Variants in GAD1 observed in about 807,000 individuals in gnomAD.
GAD1 encodes the protein 67 kDa glutamic acid decarboxylase.
GAD1 carries 35 observed loss-of-function variants against 75.2 expected under a neutral mutation model. The ratio of observed to expected loss-of-function variants is 0.47; its 90% CI spans 0.36 to 0.62. GAD1 has a LOEUF of 0.62. Ranked by LOEUF, GAD1 falls within the 20% of genes least tolerant of loss-of-function variation. The probability of loss-of-function intolerance (pLI) is 0.00; values close to 1 mark genes in which losing one functional copy is unlikely to be tolerated. For synonymous variants in GAD1, 257 were observed against 271.9 expected (o/e 0.95, Z 0.54); for missense variants, 490 against 758.5 (o/e 0.65, Z 4.16).
At chr2:170,849,677 T>C (rs540718812) in intron 12 of GAD1, among the ~76,000 whole-genome samples, 1 of 152,344 alleles carries the variant, frequency 6.6e-6, no homozygotes, top group African/African-American at 2.4e-5. Context: ...AGTGAGACCC[T>C]GTCTCTAATA....
chr2:170,822,857 G>C (rs1004878803), intron 3 of GAD1, among the ~76,000 whole-genome samples: 2 of 152,220 alleles, frequency 1.3e-5, no homozygotes, highest in Non-Finnish European at 2.9e-5. Flanking sequence ...GAAAGGGGAC[G>C]AGCAGGGACG....
In GAD1 at chr2:170,859,857, T is replaced by C. The variant is rs986095646; in HGVS notation, c.1760T>C (p.Ile587Thr). 1 of 1,614,172 alleles carries C rather than the reference T, an allele frequency of 6.2e-7. No homozygotes were observed. Among genetic ancestry groups the C allele is most frequent in the Non-Finnish European group, 8.5e-7 (1 of 1,180,030 alleles). Reference sequence around the variant, plus strand: ...GACATTGACTTCCTCATTGAGGAGATAGAAAGACTGGGCCAGGATCTGTAA... The same window carrying C: ...GACATTGACTTCCTCATTGAGGAGACAGAAAGACTGGGCCAGGATCTGTAA... ...QSDIDFLIEEIERLGQDL is the reference protein window; with the variant it reads ...QSDIDFLIEETERLGQDL The change falls in exon 17 of 17, where the codon ATA becomes ACA. Residue 587 changes from isoleucine (I) to threonine (T), a missense_variant. By Grantham distance (89) the Ile-to-Thr change is moderately conservative (BLOSUM62 -1). Around this residue, in one of 3 missense-constraint regions of GAD1, gnomAD observed 324 missense variants for 523.9 expected, o/e 0.62. Transcript: ENST00000358196.
At position 170,846,012 on chromosome 2, in the gene GAD1, G is replaced by A; in HGVS notation, c.951G>A (p.Gly317=). 4 of 1,613,158 alleles carry A rather than the reference G, an allele frequency of 2.5e-6. No homozygotes were observed. The highest frequency in any genetic ancestry group is 2.7e-5 in the African/African-American group (2 of 74,982). Residue 317 remains glycine, a synonymous_variant, in exon 10 of 17, where the codon GGG becomes GGA. Transcript: ENST00000358196. ...NVILIKCNER[G]KIIPADFEAK... ...CCTCCTTTTCCAATAATTATAGGGG[G>A]AAAATAATTCCAGCTGATTTTGAGG...
intron 6 of GAD1, among the ~76,000 whole-genome samples, chr2:170,841,132 C>A (rs931589419): frequency 3.3e-5 from 5 of 152,226 alleles, no homozygotes; most frequent in Non-Finnish European, 5.9e-5. Context: ...GAGCTTCTGG[C>A]AGGTTTAGTT....
At position 170,818,477 on chromosome 2, in the gene GAD1, G is replaced by T; in HGVS notation, c.-63-52G>T. On this transcript the variant is annotated intron_variant, in intron 1 of 16. Coordinates refer to ENST00000358196, the MANE Select transcript of GAD1 (RefSeq NM_000817.3). This position sits in a 1 kb window ranked among gnomAD's most constrained non-coding sequence, Gnocchi z 5.9. ...TGCCCCCGGCTGCTCAGTCCCTCCG[G>T]TGTGCAGGACCCCGGAAGTCCTCCC... The T allele has an allele frequency of 2.1e-6, 2 of 942,006 alleles. No homozygotes were observed. The highest frequency in any genetic ancestry group is 3.5e-6 in the Non-Finnish European group (2 of 569,520). The allele number at this position is 942,006 out of a possible 1,614,324, so 58.4% of individuals were successfully genotyped here. A position where few individuals can be genotyped will look rare whatever the true frequency, so the allele number is the denominator to read the frequency against.
chr2:170,841,535 T>C (rs1702515905), intron 6 of GAD1, among the ~76,000 whole-genome samples: 4 of 132,072 alleles, frequency 3.0e-5, no homozygotes, highest in African/African-American at 9.8e-5. Flanking sequence ...CCTCCATCTC[T>C]ACACAAAATA....
chr2:170,819,446 C>T (rs766436790), intron 2 of GAD1, among the ~76,000 whole-genome samples: 14 of 151,604 alleles, frequency 9.2e-5, no homozygotes, highest in Non-Finnish European at 1.9e-4. Flanking sequence ...TGACATGTCC[C>T]GAAAAGAGAG....
chr2:170,813,964 C>A (rs1054846961), upstream of GAD1, among the ~76,000 whole-genome samples: 5 of 152,158 alleles, frequency 3.3e-5, no homozygotes, highest in African/African-American at 4.8e-5. Context: ...CTTCAAAGCG[C>A]TTCAAATACA....
chr2:170,824,458 C>T (rs1217904166), intron 3 of GAD1, among the ~76,000 whole-genome samples: 1 of 151,642 alleles, frequency 6.6e-6, no homozygotes, highest in Non-Finnish European at 1.5e-5. Context: ...CCTGGAGGGT[C>T]CCTTCTTGAC....
At chr2:170,849,260 T>C (rs1224902084) in intron 11 of GAD1, 26 bp from the exon 12 acceptor site, 2 of 1,609,618 alleles carry the variant, frequency 1.2e-6, no homozygotes, top group African/African-American at 2.7e-5. Context: ...TGCTCCCCTC[T>C]TCCTCTCCTT....
intron 11 of GAD1, among the ~76,000 whole-genome samples, chr2:170,848,226 G>T (rs575631711): frequency 6.6e-6 from 1 of 152,184 alleles, no homozygotes; most frequent in African/African-American, 2.4e-5. Flanking sequence ...GGCTGGGCGC[G>T]GTGGCTCACG....
chr2:170,845,866 A>T, intron 9 of GAD1, 81 bp downstream of exon 9: 1 of 1,484,642 alleles, frequency 6.7e-7, no homozygotes, highest in Non-Finnish European at 9.4e-7. Flanking sequence ...GTGCTTAAGG[A>T]CTGGCTCAGT....
intron 14 of GAD1, among the ~76,000 whole-genome samples, chr2:170,855,391 A>G (rs1439814684): frequency 2.0e-5 from 3 of 151,500 alleles, no homozygotes; most frequent in Non-Finnish European, 2.9e-5. Flanking sequence ...TATTTTTACT[A>G]GAGGCGGGGC....
chr2:170,827,457 T>C (rs1004386476), intron 3 of GAD1, among the ~76,000 whole-genome samples: 1 of 152,188 alleles, frequency 6.6e-6, no homozygotes, highest in African/African-American at 2.4e-5. Context: ...AGAGCAGACG[T>C]GCGGGCCAGG....
intron 3 of GAD1, among the ~76,000 whole-genome samples, chr2:170,823,244 C>CT (rs1437128466): frequency 6.6e-6 from 1 of 152,234 alleles, no homozygotes; most frequent in Non-Finnish European, 1.5e-5. Context: ...CCCGCCCGCC[C>CT]TAGCCCCGGA....
intron 10 of GAD1, among the ~76,000 whole-genome samples, chr2:170,846,610 C>T (rs1231408196): frequency 2.6e-5 from 4 of 152,184 alleles, no homozygotes; most frequent in Non-Finnish European, 5.9e-5. Context: ...CATTCTTATA[C>T]CTCCTTCTCT....
At chr2:170,851,600 A>G (rs550687382) in intron 12 of GAD1, among the ~76,000 whole-genome samples, 2 of 152,344 alleles carry the variant, frequency 1.3e-5, no homozygotes, top group East Asian at 3.9e-4. Context: ...GGGAGAGCAG[A>G]GGCAGGATGA....
intron 3 of GAD1, among the ~76,000 whole-genome samples, chr2:170,828,729 C>G (rs1702126063): frequency 6.9e-6 from 1 of 144,302 alleles, no homozygotes; most frequent in African/African-American, 2.6e-5. Context: ...CTCTGCTGTC[C>G]TCACCCTCCT....
intron 11 of GAD1, chr2:170,848,563 C>A: frequency 2.5e-6 from 1 of 401,404 alleles, no homozygotes; most frequent in Non-Finnish European, 4.9e-6. Flanking sequence ...AGGCAGTATA[C>A]GGAAGGCATT....
Sources: gnomAD v4.1 joint callset for allele counts (sites outside exome capture counted in the v4.1 genomes callset) on GRCh38, gnomAD v4.1.1 for gene constraint, gnomAD v4.1.1 regional missense constraint, Gnocchi (gnomAD v3.1) non-coding constraint, MANE v1.5 for transcripts, NCBI Gene and HGNC (gene_info 2026-07-23, HGNC 2026-07-21) for gene names.